SZT2: variants seen among roughly 807,000 people sequenced by gnomAD.
The protein encoded by SZT2 is KICSTOR complex protein SZT2.
SZT2 carries 216 observed loss-of-function variants against 404.2 expected under a neutral mutation model. That is an observed-to-expected ratio of 0.53 (90% CI 0.48 to 0.60). SZT2 has a LOEUF of 0.60. Ranked by LOEUF, SZT2 falls within the 20% of genes least tolerant of loss-of-function variation. The pLI is 0.00. For synonymous variants in SZT2, 1,693 were observed against 1,749.9 expected, an observed-to-expected ratio of 0.97 and a Z score of 0.81; for missense variants, 3,857 against 4,459.2, an observed-to-expected ratio of 0.86 and a Z score of 3.85.
In SZT2 at chr1:43,428,124, C is replaced by T. The variant is rs1177944232; in HGVS notation, c.3919+6C>T. 1 of 1,613,114 alleles carries T rather than the reference C, an allele frequency of 6.2e-7. No homozygotes were observed. The highest frequency in any genetic ancestry group is 8.5e-7 in the Non-Finnish European group (1 of 1,179,264). On this transcript the variant is annotated splice_donor_region_variant and intron_variant, in intron 27 of 71. Transcript: ENST00000634258. Reference sequence around the variant, plus strand: ...ACAGCGGTGCTATGTCCGTGGTGAGCAGGAGGGCCGTGGGAGGGAGGAGTG... The same window carrying T: ...ACAGCGGTGCTATGTCCGTGGTGAGTAGGAGGGCCGTGGGAGGGAGGAGTG...
Position 43,425,369 on chromosome 1 carries a change from C to G in SZT2, c.2646-105C>G, listed in dbSNP as rs181091471. 1,966 of 1,541,600 alleles carry G rather than the reference C, an allele frequency of 1.3e-3. 32 individuals are homozygous for G. The East Asian group carries it at 0.021, about 17-fold the overall frequency. The stretch of plus-strand genomic sequence containing the variant: ...TCAGGCAGACGCTGGTCTGGGAAGG[C>G]CTTGTATGACTCGTGGCTGTCCTCT... On this transcript the variant is annotated intron_variant, in intron 18 of 71. Transcript: ENST00000634258. The surrounding 1 kb of genome is among the most constrained non-coding windows in gnomAD (Gnocchi z 4.3).
chr1:43,453,559 C>A lies in SZT2; in HGVS notation c.*3079C>A. Reference sequence around the variant, plus strand: ...ACTCCCCTGCCCGCGCCCCGGCACCCCCCAGCCCTCCCAGCCCTCCCGGCC... The same window carrying A: ...ACTCCCCTGCCCGCGCCCCGGCACCACCCAGCCCTCCCAGCCCTCCCGGCC... On this transcript the variant is annotated 3_prime_UTR_variant, in exon 72 of 72. Transcript: ENST00000634258. 6.6e-7 allele frequency: 1 copy of A among 1,519,600 alleles called. No homozygotes were observed. The highest frequency in any genetic ancestry group is 1.3e-5 in the South Asian group (1 of 79,148). 94.1% of individuals were successfully genotyped at this position (1,519,600 alleles called of 1,614,324 possible).
Position 43,396,783 on chromosome 1 carries a change from C to T in SZT2, c.28-6394C>T, listed in dbSNP as rs1230832488. ...AACATAAAGCAAATCTGTTAGAACC[C>T]CCATTTGCACTCCCCCAGGGTTCCA... On this transcript the variant is annotated intron_variant, in intron 1 of 71. Transcript: ENST00000634258. Among the ~76,000 whole-genome samples the T allele has an allele frequency of 2.6e-5, 4 of 152,196 alleles. No individual in the cohort carries two copies. The East Asian group carries it at 7.7e-4, about 29-fold the overall frequency.
chr1:43,453,975 C>T lies in SZT2; in HGVS notation c.*3495C>T, dbSNP rs892172626. ...CTTCACGAAAAGCGCCTACGGTTAG[C>T]GAGAGAGGGATCACGGGGAGAGGCG... On this transcript the variant is annotated 3_prime_UTR_variant, in exon 72 of 72. Transcript: ENST00000634258. 11 of 1,190,398 alleles carry T rather than the reference C, an allele frequency of 9.2e-6. No individual in the cohort carries two copies. The highest frequency in any genetic ancestry group is 1.1e-5 in the Non-Finnish European group (11 of 961,590). 73.7% of individuals were successfully genotyped at this position (1,190,398 alleles called of 1,614,324 possible). A position where few individuals can be genotyped will look rare whatever the true frequency, so the allele number is the denominator to read the frequency against.
Position 43,442,414 on chromosome 1 carries a change from C to T in SZT2, c.7975-28C>T, listed in dbSNP as rs1655162812. ...TGGGTGGGAAGAGGGGTTCCGTGAT[C>T]TCACTGACCCTGACCCCCGACCTCC... On this transcript the variant is annotated intron_variant, in intron 57 of 71. Coordinates refer to ENST00000634258, the MANE Select transcript of SZT2 (RefSeq NM_001365999.1). The surrounding 1 kb of genome is among the most constrained non-coding windows in gnomAD (Gnocchi z 4.5). 2.5e-6 allele frequency: 4 copies of T among 1,611,348 alleles called. No homozygotes were observed. Among genetic ancestry groups the T allele is most frequent in the East Asian group, 4.5e-5 (2 of 44,838 alleles).
intron 14 of SZT2, 35 bp downstream of exon 14, chr1:43,422,918 C>G: frequency 1.3e-6 from 2 of 1,545,382 alleles, no homozygotes; most frequent in Non-Finnish European, 8.7e-7. Flanking sequence ...GACCAAGGAG[C>G]CCTAGGGTGT....
In SZT2 at chr1:43,428,118, G is replaced by C; in HGVS notation, c.3919G>C (p.Gly1307Arg). The C allele has an allele frequency of 6.2e-7, 1 of 1,613,690 alleles. No individual in the cohort carries two copies. The highest frequency in any genetic ancestry group is 2.2e-5 in the East Asian group (1 of 44,864). The stretch of plus-strand genomic sequence containing the variant: ...GCATGCACAGCGGTGCTATGTCCGT[G>C]GTGAGCAGGAGGGCCGTGGGAGGGA... ...QEHAQRCYVR[G>R]LFRSLQQAQS... The change falls in exon 27 of 72, where the codon GGG becomes CGG. Residue 1307 changes from glycine to arginine, a missense_variant and splice_region_variant. By Grantham distance (125) the Gly-to-Arg change is moderately radical (BLOSUM62 -2). Transcript: ENST00000634258.
At chr1:43,446,073 A>C in intron 63 of SZT2, 89 bp downstream of exon 63, 1 of 1,585,760 alleles carries the variant, frequency 6.3e-7, no homozygotes, top group South Asian at 1.1e-5. Flanking sequence ...TACCGAGGTC[A>C]CTGATCCCAG....
chr1:43,406,976 A>G (rs756716655), intron 4 of SZT2: 80 of 152,264 alleles, frequency 5.3e-4, no homozygotes, highest in Non-Finnish European at 7.6e-4. Flanking sequence ...AACAGACAGT[A>G]ACAGGATCAC....
At chr1:43,446,064 A>G in intron 63 of SZT2, 80 bp downstream of exon 63, 1 of 1,578,314 alleles carries the variant, frequency 6.3e-7, no homozygotes, top group Non-Finnish European at 8.7e-7. Context: ...TGAGTGATGT[A>G]CCGAGGTCAC....
chr1:43,419,347 C>A (rs1033625137), intron 7 of SZT2, among the ~76,000 whole-genome samples: 13 of 152,204 alleles, frequency 8.5e-5, no homozygotes, highest in African/African-American at 3.1e-4. Context: ...CAGGCCCCAC[C>A]CCAGACCTAC....
chr1:43,445,900 C>T lies in SZT2; in HGVS notation c.8832C>T (p.Ser2944=). Residue 2944 remains serine (S), a synonymous_variant, in exon 63 of 72, where the codon AGC becomes AGT. Transcript: ENST00000634258. ...LRPPSPARST[S]RPRAMAILGT... Reference sequence around the variant, plus strand: ...CCCTCCTCCTTTTCTATAGCACCAGCCGGCCACGGGCCATGGCTATCCTTG... The same window carrying T: ...CCCTCCTCCTTTTCTATAGCACCAGTCGGCCACGGGCCATGGCTATCCTTG... 2 of 1,614,222 alleles carry T rather than the reference C, an allele frequency of 1.2e-6. No individual in the cohort carries two copies. The highest frequency in any genetic ancestry group is 2.2e-5 in the East Asian group (1 of 44,882).
In SZT2 at chr1:43,424,188, GAT is replaced by G. The variant is rs1387563472; in HGVS notation, c.2256-27_2256-26del. 10 of 1,582,258 alleles carry G rather than the reference GAT, an allele frequency of 6.3e-6. 2 individuals carry two copies. In the African/African-American group the frequency reaches 1.1e-4, roughly 17 times the overall value. Reference sequence around the variant, plus strand: ...GCGTGGCTTAGCCGGGGATGAGAGAGATAGCTGGGGAGTTGTCCCATTTCCTA... The same window carrying G: ...GCGTGGCTTAGCCGGGGATGAGAGAGAGCTGGGGAGTTGTCCCATTTCCTA... On this transcript the variant is annotated intron_variant, in intron 15 of 71. Coordinates refer to ENST00000634258, the MANE Select transcript of SZT2 (RefSeq NM_001365999.1). The surrounding 1 kb of genome is among the most constrained non-coding windows in gnomAD (Gnocchi z 4.1).
At chr1:43,399,651 C>T (rs1410204061) in intron 1 of SZT2, among the ~76,000 whole-genome samples, 5 of 151,824 alleles carry the variant, frequency 3.3e-5, no homozygotes, top group African/African-American at 4.8e-5. Flanking sequence ...TTAGTAGAGA[C>T]GGGGTTTCGC....
In SZT2 at chr1:43,452,390, T is replaced by C; in HGVS notation, c.*1910T>C. On this transcript the variant is annotated 3_prime_UTR_variant, in exon 72 of 72. Coordinates refer to ENST00000634258, the MANE Select transcript of SZT2 (RefSeq NM_001365999.1). ...TGCACCTCTTCCAGGATTCCCTGACTGTGCCAGCCCTCGTCCGTCTCCCCA... is the reference window on the plus strand; with the variant it reads ...TGCACCTCTTCCAGGATTCCCTGACCGTGCCAGCCCTCGTCCGTCTCCCCA... 2 of 1,264,536 alleles carry C rather than the reference T, an allele frequency of 1.6e-6. No homozygotes were observed. The highest frequency in any genetic ancestry group is 1.5e-5 in the African/African-American group (1 of 67,792). 78.3% of individuals were successfully genotyped at this position (1,264,536 alleles called of 1,614,324 possible).
intron 4 of SZT2, among the ~76,000 whole-genome samples, chr1:43,411,769 CTTTTTTTTTT>C (rs386366817): frequency 1.6e-4 from 12 of 74,046 alleles, no homozygotes; most frequent in Non-Finnish European, 2.2e-4. Context: ...CATCCACTAT[CTTTTTTTTTT>C]TTTTTTTTTT....
chr1:43,449,190 T>G (rs79943401), intron 70 of SZT2: 12,313 of 185,244 alleles, frequency 0.066, 621 homozygotes, highest in East Asian at 0.19. Flanking sequence ...AGGTGATTTG[T>G]GTGCACACTG....
chr1:43,444,504 C>G (rs1344121900), intron 62 of SZT2, among the ~76,000 whole-genome samples: 1 of 151,400 alleles, frequency 6.6e-6, no homozygotes. Flanking sequence ...TAGTTCTCGG[C>G]CCAGGGAAGT....
chr1:43,391,395 C>A (rs1356780869), intron 1 of SZT2, among the ~76,000 whole-genome samples: 1 of 151,926 alleles, frequency 6.6e-6, no homozygotes, highest in Non-Finnish European at 1.5e-5. Flanking sequence ...AGGCTCCAGT[C>A]CTTGTGTTCT....
Sources: allele counts gnomAD v4.1 joint callset (sites outside exome capture counted in the v4.1 genomes callset), GRCh38; gene constraint gnomAD v4.1.1; non-coding constraint Gnocchi (gnomAD v3.1); transcripts MANE v1.5; gene names NCBI Gene and HGNC (gene_info 2026-07-23, HGNC 2026-07-21).